The following NTM variants were observed in gnomAD, a reference collection of about 807,000 sequenced individuals.
NTM encodes neurotrimin.
NTM carries 13 observed loss-of-function variants against 42.1 expected under a neutral mutation model. The observed-to-expected ratio is 0.31, with a 90% CI of 0.20 to 0.49. The LOEUF is 0.49. Among genes scored for constraint, NTM ranks in the 20% least tolerant of loss-of-function variants. NTM has a pLI of 0.99. For missense variants in NTM, 373 were observed against 452.8 expected (o/e 0.82, Z 1.60); for synonymous variants, 187 against 179.2 (o/e 1.04, Z -0.35).
intron 2 of NTM, among the ~76,000 whole-genome samples, chr11:132,140,855 AG>A (rs1427230789): frequency 1.3e-5 from 2 of 152,216 alleles, no homozygotes; most frequent in African/African-American, 4.8e-5. Flanking sequence ...CCGAATGCTC[AG>A]AGGCACCAAA....
chr11:131,756,703 A>AG, intron 1 of NTM, among the ~76,000 whole-genome samples: 1 of 151,990 alleles, frequency 6.6e-6, no homozygotes, highest in South Asian at 2.1e-4. Flanking sequence ...CACACAAAAA[A>AG]TTGCTATAAT....
chr11:131,555,917 G>A (rs1283193878), intron 1 of NTM, among the ~76,000 whole-genome samples: 1 of 152,180 alleles, frequency 6.6e-6, no homozygotes, highest in Non-Finnish European at 1.5e-5. Flanking sequence ...GGCCCCATGG[G>A]TGGCAAACAA....
At chr11:132,178,159 A>G (rs943308438) in intron 3 of NTM, among the ~76,000 whole-genome samples, 14 of 152,232 alleles carry the variant, frequency 9.2e-5, no homozygotes, top group African/African-American at 3.4e-4. Context: ...CTCCTTACAG[A>G]TAGGGAGGCT....
At chr11:132,116,307 A>G (rs1381800984) in intron 2 of NTM, among the ~76,000 whole-genome samples, 4 of 152,310 alleles carry the variant, frequency 2.6e-5, no homozygotes, top group South Asian at 4.1e-4. Flanking sequence ...TGCTAGGACC[A>G]TGGAGGTAGG....
intron 1 of NTM, among the ~76,000 whole-genome samples, chr11:131,442,769 A>G (rs948712813): frequency 6.6e-6 from 1 of 152,034 alleles, no homozygotes; most frequent in African/African-American, 2.4e-5. Flanking sequence ...TTATGGCTTT[A>G]TAGTATTCCG....
intron 2 of NTM, among the ~76,000 whole-genome samples, chr11:131,957,265 G>A (rs1201231833): frequency 1.3e-5 from 2 of 152,148 alleles, no homozygotes; most frequent in African/African-American, 4.8e-5. Context: ...ACCAATGTTT[G>A]GTAGTGTGAT....
chr11:131,615,343 A>G (rs1210781640), intron 1 of NTM, among the ~76,000 whole-genome samples: 1 of 152,094 alleles, frequency 6.6e-6, no homozygotes, highest in Non-Finnish European at 1.5e-5. Flanking sequence ...TGCGTGGCTC[A>G]TAGCAAGTTC....
chr11:131,700,943 C>T (rs573082939), intron 1 of NTM, among the ~76,000 whole-genome samples: 1 of 152,308 alleles, frequency 6.6e-6, no homozygotes, highest in South Asian at 2.1e-4. Context: ...AATCCTGGTT[C>T]TGCCATTTAA....
At chr11:132,011,719 C>T (rs1264507014) in intron 2 of NTM, among the ~76,000 whole-genome samples, 2 of 152,116 alleles carry the variant, frequency 1.3e-5, no homozygotes, top group Non-Finnish European at 2.9e-5. Context: ...AGCTGTAGAG[C>T]AATTATTCCA....
At chr11:132,081,722 T>TA (rs543753433) in intron 2 of NTM, among the ~76,000 whole-genome samples, 1,413 of 127,978 alleles carry the variant, frequency 0.011, 16 homozygotes, top group Non-Finnish European at 0.013. Flanking sequence ...AGACTCCATC[T>TA]AAAAAAAAAA....
chr11:132,182,182 C>A (rs2077680467), intron 3 of NTM, among the ~76,000 whole-genome samples: 1 of 151,982 alleles, frequency 6.6e-6, no homozygotes, highest in South Asian at 2.1e-4. Context: ...TTTTAACACA[C>A]CTGTTTTGTT....
intron 1 of NTM, among the ~76,000 whole-genome samples, chr11:131,581,607 A>G (rs58575147): frequency 0.037 from 5,672 of 152,220 alleles, 349 homozygotes; most frequent in African/African-American, 0.13. Flanking sequence ...CTTCCTCGTT[A>G]TTCTGACTCT....
chr11:131,975,957 C>A (rs1437339496), intron 2 of NTM, among the ~76,000 whole-genome samples: 1 of 152,148 alleles, frequency 6.6e-6, no homozygotes, highest in Non-Finnish European at 1.5e-5. Context: ...AACCAAGCAG[C>A]TCTGGCATCA....
intron 2 of NTM, among the ~76,000 whole-genome samples, chr11:131,973,420 A>C (rs940350333): frequency 4.6e-5 from 7 of 152,344 alleles, no homozygotes; most frequent in Middle Eastern, 3.4e-3. Flanking sequence ...GTGAACCTTT[A>C]TTAGTGCTTC....
At chr11:131,613,299 G>T (rs149109247) in intron 1 of NTM, among the ~76,000 whole-genome samples, 4 of 151,534 alleles carry the variant, frequency 2.6e-5, no homozygotes, top group African/African-American at 9.7e-5. Flanking sequence ...AGGGACACCC[G>T]CCTGACTTCG....
At chr11:131,774,059 CTGT>C in intron 1 of NTM, 4 of 984,458 alleles carry the variant, frequency 4.1e-6, no homozygotes, top group Non-Finnish European at 4.8e-6. Context: ...TTGCCTTCCT[CTGT>C]TGTTCCAATG....
intron 1 of NTM, among the ~76,000 whole-genome samples, chr11:131,558,940 AAAAC>A: frequency 6.6e-6 from 1 of 152,332 alleles, no homozygotes; most frequent in Middle Eastern, 3.4e-3. Context: ...AGAAAGAAAG[AAAAC>A]AAAGCTAAGC....
intron 1 of NTM, among the ~76,000 whole-genome samples, chr11:131,736,641 A>G (rs1565484445): frequency 6.6e-6 from 1 of 152,294 alleles, no homozygotes; most frequent in East Asian, 1.9e-4. Context: ...ATATCTGCCA[A>G]AAACCTCTCA....
chr11:131,851,322 G>A (rs969350493), intron 1 of NTM, among the ~76,000 whole-genome samples: 3 of 151,970 alleles, frequency 2.0e-5, no homozygotes, highest in Non-Finnish European at 2.9e-5. Flanking sequence ...GTCCAGCACC[G>A]GCATTTCAGG....
Sources: allele counts gnomAD v4.1 joint callset (sites outside exome capture counted in the v4.1 genomes callset), GRCh38; gene constraint gnomAD v4.1.1; transcripts MANE v1.5; gene names NCBI Gene and HGNC (gene_info 2026-07-23, HGNC 2026-07-21).